The following ANO5 variants were observed in gnomAD, a reference collection of about 807,000 sequenced individuals.
ANO5 encodes the protein anoctamin-5.
ANO5 carries 109 observed loss-of-function variants against 121.0 expected under a neutral mutation model. The ratio of observed to expected loss-of-function variants is 0.90; its 90% CI spans 0.77 to 1.06. The LOEUF is 1.06. Ranked by LOEUF, ANO5 falls within the 50% of genes least tolerant of loss-of-function variation. The probability of loss-of-function intolerance (pLI) is 0.00; values close to 1 mark genes in which losing one functional copy is unlikely to be tolerated. For synonymous variants in ANO5, 406 were observed against 359.9 expected, an observed-to-expected ratio of 1.13 and a Z score of -1.45; for missense variants, 1,064 against 1,078.5, an observed-to-expected ratio of 0.99 and a Z score of 0.19.
chr11:22,260,402 G>C (rs948522371), intron 15 of ANO5, among the ~76,000 whole-genome samples: 1 of 152,068 alleles, frequency 6.6e-6, no homozygotes, highest in Non-Finnish European at 1.5e-5. Flanking sequence ...GTTCTCTCCA[G>C]GGTTCAAGCT....
intron 14 of ANO5, 35 bp from the exon 15 acceptor site, chr11:22,259,484 G>A (rs1280047881): frequency 6.4e-6 from 10 of 1,560,212 alleles, no homozygotes; most frequent in Non-Finnish European, 8.8e-6. Flanking sequence ...GAGATACAGA[G>A]ACCCAAATAG....
intron 3 of ANO5, 66 bp from the exon 4 acceptor site, chr11:22,218,179 CT>C (rs201017554): frequency 2.5e-5 from 39 of 1,553,552 alleles, no homozygotes; most frequent in Non-Finnish European, 3.0e-5. Context: ...TTGTCTTTGT[CT>C]TTTTTTTGGA....
At position 22,276,215 on chromosome 11, in the gene ANO5, C is replaced by T. The variant is rs2133800416; in HGVS notation, c.2520+16C>T. 1.3e-6 allele frequency: 2 copies of T among 1,580,846 alleles called. No homozygotes were observed. Among genetic ancestry groups the T allele is most frequent in the Non-Finnish European group, 1.7e-6 (2 of 1,150,486 alleles). On this transcript the variant is annotated intron_variant, in intron 21 of 21. Transcript: ENST00000324559. ...TGTTATGGAAGTAAGCTGTTCTTAA[C>T]TTTCATTCGAGTTACTCTCTTCTCT...
intron 7 of ANO5, among the ~76,000 whole-genome samples, chr11:22,234,331 G>A (rs1450107417): frequency 6.6e-6 from 1 of 152,056 alleles, no homozygotes; most frequent in South Asian, 2.1e-4. Context: ...TTCTTAAAAT[G>A]AGTTATTCAT....
chr11:22,258,699 C>G (rs978478062), intron 14 of ANO5, among the ~76,000 whole-genome samples: 1 of 152,138 alleles, frequency 6.6e-6, no homozygotes, highest in Non-Finnish European at 1.5e-5. Context: ...AATAAGTGAT[C>G]TTGATTCTAC....
chr11:22,226,116 C>A, intron 6 of ANO5, 64 bp downstream of exon 6: 3 of 1,355,222 alleles, frequency 2.2e-6, no homozygotes, highest in Non-Finnish European at 3.1e-6. Flanking sequence ...CCTACTCTGG[C>A]CTTTGCCTGG....
intron 2 of ANO5, among the ~76,000 whole-genome samples, chr11:22,205,639 A>G (rs1852095806): frequency 6.6e-6 from 1 of 152,122 alleles, no homozygotes; most frequent in African/African-American, 2.4e-5. Flanking sequence ...AATAAAAGCA[A>G]TTGAAAACCA....
At chr11:22,265,585 G>T (rs951895532) in intron 17 of ANO5, among the ~76,000 whole-genome samples, 37 of 152,202 alleles carry the variant, frequency 2.4e-4, no homozygotes, top group African/African-American at 7.9e-4. Flanking sequence ...TTTGTGTGGG[G>T]AGAACTACAA....
chr11:22,263,343 T>C (rs1438563472), intron 17 of ANO5, among the ~76,000 whole-genome samples: 2 of 152,226 alleles, frequency 1.3e-5, no homozygotes, highest in Non-Finnish European at 2.9e-5. Flanking sequence ...CTTTTAAATA[T>C]GCATTTTTGT....
chr11:22,236,686 T>C (rs1835702971), intron 8 of ANO5, among the ~76,000 whole-genome samples: 1 of 152,196 alleles, frequency 6.6e-6, no homozygotes, highest in Non-Finnish European at 1.5e-5. Flanking sequence ...AAATACATGA[T>C]TGGCTTCAAT....
intron 9 of ANO5, among the ~76,000 whole-genome samples, chr11:22,242,989 G>A (rs1029704053): frequency 1.3e-5 from 2 of 152,062 alleles, no homozygotes; most frequent in Admixed American, 1.3e-4. Flanking sequence ...ATTTCTCAAG[G>A]GGAATGATTC....
chr11:22,238,109 T>TA (rs936620836), intron 8 of ANO5, among the ~76,000 whole-genome samples: 1 of 152,128 alleles, frequency 6.6e-6, no homozygotes, highest in Non-Finnish European at 1.5e-5. Context: ...AACCTGCAGA[T>TA]ACAGAGGGCC....
At chr11:22,193,579 T>G (rs1050650487) in intron 1 of ANO5, 47 bp downstream of exon 1, 1 of 1,596,828 alleles carries the variant, frequency 6.3e-7, no homozygotes, top group Non-Finnish European at 8.5e-7. Context: ...GCTGGCTGCC[T>G]GCACCCCTCC....
chr11:22,203,592 T>A (rs577911289), intron 1 of ANO5, among the ~76,000 whole-genome samples: 1 of 152,184 alleles, frequency 6.6e-6, no homozygotes, highest in South Asian at 2.1e-4. Flanking sequence ...CAGTATTTTA[T>A]GCTTTTCCTG....
chr11:22,210,776 C>T (rs1852252533), intron 2 of ANO5, among the ~76,000 whole-genome samples: 1 of 151,778 alleles, frequency 6.6e-6, no homozygotes, highest in Non-Finnish European at 1.5e-5. Context: ...ATTAAGAATC[C>T]TGATGGTGTA....
chr11:22,259,411 C>A, intron 14 of ANO5, 108 bp from the exon 15 acceptor site: 1 of 1,190,504 alleles, frequency 8.4e-7, no homozygotes, highest in South Asian at 1.3e-5. Context: ...CACATGAGAA[C>A]TGCTAAACTT....
Position 22,226,976 on chromosome 11 carries a change from C to T in ANO5, c.364-326C>T, listed in dbSNP as rs569375141. The stretch of plus-strand genomic sequence containing the variant: ...AAAAACTTAAGAAATTGCCCAGAAC[C>T]GCATAGGTTATTGTGGATTTAGAGA... On this transcript the variant is annotated intron_variant, in intron 6 of 21. Transcript: ENST00000324559. 4.6e-5 allele frequency among the ~76,000 whole-genome samples: 7 copies of T among 152,094 alleles called. 1 individual carries two copies. In the South Asian group the frequency reaches 8.3e-4, roughly 18 times the overall value.
At chr11:22,202,502 T>C (rs1191388864) in intron 1 of ANO5, among the ~76,000 whole-genome samples, 1 of 152,180 alleles carries the variant, frequency 6.6e-6, no homozygotes, top group Non-Finnish European at 1.5e-5. Flanking sequence ...TTATTATTTT[T>C]TACTTATAAG....
chr11:22,230,814 C>T (rs1009925315), intron 7 of ANO5, among the ~76,000 whole-genome samples: 2 of 151,930 alleles, frequency 1.3e-5, no homozygotes, highest in Admixed American at 1.3e-4. Flanking sequence ...TCTCCTTTAC[C>T]ACCCATGTTC....
Sources: gnomAD v4.1 joint callset for allele counts (sites outside exome capture counted in the v4.1 genomes callset) on GRCh38, gnomAD v4.1.1 for gene constraint, MANE v1.5 for transcripts, NCBI Gene and HGNC (gene_info 2026-07-23, HGNC 2026-07-21) for gene names.